Variants in TNRC18 observed in about 807,000 individuals in gnomAD.
TNRC18 encodes trinucleotide repeat-containing gene 18 protein.
Under a neutral mutation model 226.7 loss-of-function variants are expected in TNRC18, and 69 were observed. The observed-to-expected ratio is 0.30, with a 90% CI of 0.25 to 0.37. The LOEUF is 0.37. Among genes scored for constraint, TNRC18 ranks in the 10% least tolerant of loss-of-function variants. TNRC18 has a pLI of 1.00. For synonymous variants in TNRC18, 2,449 were observed against 1,927.6 expected (o/e 1.27, Z -7.09); for missense variants, 4,754 against 4,256.6 (o/e 1.12, Z -3.25).
intron 5 of TNRC18, among the ~76,000 whole-genome samples, chr7:5,380,008 G>A (rs1319095894): frequency 6.6e-6 from 1 of 152,194 alleles, no homozygotes; most frequent in Non-Finnish European, 1.5e-5. Flanking sequence ...TCCTTCTGCT[G>A]GAGACAAGGT....
At chr7:5,422,890 T>A (rs1782664436) in intron 1 of TNRC18, 1 of 152,258 alleles carries the variant, frequency 6.6e-6, no homozygotes, top group African/African-American at 2.4e-5. Flanking sequence ...CCGTGATTTT[T>A]TTTTGTAAGA....
Position 5,332,701 on chromosome 7 carries a change from G to C in TNRC18, c.6068C>G (p.Thr2023Ser), listed in dbSNP as rs1420468768. 4.6e-6 allele frequency: 7 copies of C among 1,531,100 alleles called. No individual in the cohort carries two copies. Among genetic ancestry groups the C allele is most frequent in the Non-Finnish European group, 6.1e-6 (7 of 1,142,436 alleles). The allele number at this position is 1,531,100 out of a possible 1,614,324, so 94.8% of individuals were successfully genotyped here. A position where few individuals can be genotyped will look rare whatever the true frequency, so the allele number is the denominator to read the frequency against. The change falls in exon 19 of 30, where the codon ACC (threonine) becomes AGC (serine). Residue 2023 changes from threonine to serine, a missense_variant. Coordinates refer to ENST00000430969, the MANE Select transcript of TNRC18 (RefSeq NM_001080495.3). ...APVSTAPATKTSRCAKGGPLS... is the reference protein window; with the variant it reads ...APVSTAPATKSSRCAKGGPLS... ...GGGGCCGCCCTTGGCGCAGCGGCTG[G>C]TCTTGGTGGCGGGCGCGGTGCTGAC...
chr7:5,328,484 A>G (rs1198419749), intron 19 of TNRC18, among the ~76,000 whole-genome samples: 1 of 150,634 alleles, frequency 6.6e-6, no homozygotes, highest in Non-Finnish European at 1.5e-5. Context: ...CCTGGGCAAC[A>G]CAGTGAGACC....
rs779182104 is a variant in TNRC18 at position 5,325,161 on chromosome 7, C to A, written c.6235G>T (p.Ala2079Ser). ...ALPSEARAPH[A>S]SSLTAAKRSK... ...CTTTTGGCAGCGGTCAGGGAGCTGG[C>A]GTGAGGAGCCCTGGCCTCAGAGGGC... Residue 2079 changes from alanine (A) to serine (S), a missense_variant, in exon 20 of 30, where the codon GCC (alanine) becomes TCC (serine). Ala to Ser is a moderately conservative substitution (Grantham distance 99, BLOSUM62 1). Coordinates refer to ENST00000430969, the MANE Select transcript of TNRC18 (RefSeq NM_001080495.3). The A allele has an allele frequency of 7.1e-6, 11 of 1,552,180 alleles. No individual in the cohort carries two copies. Among genetic ancestry groups the A allele is most frequent in the South Asian group, 1.2e-5 (1 of 84,092 alleles).
chr7:5,380,866 C>T (rs540919483), intron 5 of TNRC18, among the ~76,000 whole-genome samples: 1 of 152,304 alleles, frequency 6.6e-6, no homozygotes, highest in African/African-American at 2.4e-5. Flanking sequence ...GCCGTCCCAG[C>T]TTACAGAATC....
Position 5,309,628 on chromosome 7 carries a change from G to A in TNRC18, c.8389-260C>T, listed in dbSNP as rs1786983202. On this transcript the variant is annotated intron_variant, in intron 27 of 29. Coordinates refer to ENST00000430969, the MANE Select transcript of TNRC18 (RefSeq NM_001080495.3). This position sits in a 1 kb window ranked among gnomAD's most constrained non-coding sequence, Gnocchi z 5.7. ...ACAAGACTTCTTATTTTTGAGACAG[G>A]GTCTCCCTCTGTTGCCCAGGCTGGA... Among the ~76,000 whole-genome samples the A allele has an allele frequency of 6.6e-6, 1 of 152,208 alleles. No homozygotes were observed. The highest frequency in any genetic ancestry group is 1.5e-5 in the Non-Finnish European group (1 of 68,040).
At chr7:5,417,511 G>A (rs192826000) in intron 2 of TNRC18, among the ~76,000 whole-genome samples, 6 of 152,188 alleles carry the variant, frequency 3.9e-5, no homozygotes, top group African/African-American at 1.2e-4. Flanking sequence ...TTTCCTTCTC[G>A]GATTTGTGTG....
Position 5,396,190 on chromosome 7 carries a change from T to A in TNRC18, c.188-1595A>T, listed in dbSNP as rs1257184058. 5.7e-3 allele frequency among the ~76,000 whole-genome samples: 546 copies of A among 96,610 alleles called. 2 individuals carry two copies. Among genetic ancestry groups the A allele is most frequent in the African/African-American group, 0.021 (495 of 23,788 alleles). 63.4% of individuals were successfully genotyped at this position (96,610 alleles called of 152,430 possible). A position where few individuals can be genotyped will look rare whatever the true frequency, so the allele number is the denominator to read the frequency against. On this transcript the variant is annotated intron_variant, in intron 2 of 29. Coordinates refer to ENST00000430969, the MANE Select transcript of TNRC18 (RefSeq NM_001080495.3). ...TGTCTCAAAAAAAAAAAAAAAAAAATGCAAAAAATTAGCTGGGCGTGGTGG... is the reference window on the plus strand; with the variant it reads ...TGTCTCAAAAAAAAAAAAAAAAAAAAGCAAAAAATTAGCTGGGCGTGGTGG...
chr7:5,371,012 C>A lies in TNRC18; in HGVS notation c.3582G>T (p.Gly1194=). The change falls in exon 11 of 30, where the codon GGG becomes GGT. Residue 1194 remains glycine, a synonymous_variant. Transcript: ENST00000430969. ...AEAMATPSPA[G]GCGGGLLEAQ... ...CCTCCAACAGGCCACCTCCACAACC[C>A]CCTGCAGGGCTGGGGGTAGCCATGG... The A allele has an allele frequency of 6.2e-7, 1 of 1,608,298 alleles. No individual in the cohort carries two copies. Among genetic ancestry groups the A allele is most frequent in the African/African-American group, 1.3e-5 (1 of 75,066 alleles).
At chr7:5,407,422 T>A (rs1781548661) in intron 2 of TNRC18, 1 of 151,610 alleles carries the variant, frequency 6.6e-6, no homozygotes, top group African/African-American at 2.4e-5. Context: ...ATCCTGCCCC[T>A]CCTACACCTC....
At chr7:5,387,549 T>G (rs558986345) in intron 5 of TNRC18, 123 bp downstream of exon 5, 2 of 1,390,540 alleles carry the variant, frequency 1.4e-6, no homozygotes, top group African/African-American at 2.9e-5. Context: ...TCAAGACCAT[T>G]TTAAAAAATG....
chr7:5,345,517 GCCCCTCC>G, intron 18 of TNRC18, 38 bp downstream of exon 18: 19 of 377,738 alleles, frequency 5.0e-5, no homozygotes, highest in South Asian at 2.6e-4. Flanking sequence ...AATGGCGTCC[GCCCCTCC>G]CACCCACCCC....
Position 5,421,256 on chromosome 7 carries a change from G to A in TNRC18, c.-10C>T, listed in dbSNP as rs956104687. 3 of 1,289,788 alleles carry A rather than the reference G, an allele frequency of 2.3e-6. No individual in the cohort carries two copies. The highest frequency in any genetic ancestry group is 6.3e-5 in the East Asian group (2 of 31,866). 79.9% of individuals were successfully genotyped at this position (1,289,788 alleles called of 1,614,324 possible). A position where few individuals can be genotyped will look rare whatever the true frequency, so the allele number is the denominator to read the frequency against. Reference sequence around the variant, plus strand: ...AGTCTCGGCCATCCATCCTCCGCGGGAGTGCCGCGATCAGCCCCCCACCCG... The same window carrying A: ...AGTCTCGGCCATCCATCCTCCGCGGAAGTGCCGCGATCAGCCCCCCACCCG... On this transcript the variant is annotated 5_prime_UTR_variant, in exon 2 of 30. Coordinates refer to ENST00000430969, the MANE Select transcript of TNRC18 (RefSeq NM_001080495.3).
chr7:5,338,733 C>G (rs891173705), intron 18 of TNRC18, among the ~76,000 whole-genome samples: 9 of 151,318 alleles, frequency 5.9e-5, no homozygotes, highest in Non-Finnish European at 1.0e-4. Flanking sequence ...CCAGCTTGAC[C>G]AACATGGAGA....
intron 2 of TNRC18, among the ~76,000 whole-genome samples, chr7:5,399,034 G>A (rs1004613464): frequency 7.2e-5 from 11 of 152,092 alleles, no homozygotes; most frequent in Non-Finnish European, 1.0e-4. Flanking sequence ...AATAAACCCC[G>A]AAGAAGCACA....
At chr7:5,321,553 C>T (rs1307540126) in intron 21 of TNRC18, among the ~76,000 whole-genome samples, 9 of 152,152 alleles carry the variant, frequency 5.9e-5, no homozygotes, top group Non-Finnish European at 1.2e-4. Flanking sequence ...GCTCTGGGTG[C>T]CAGCCATCAC....
chr7:5,313,923 G>A (rs1787574543), intron 26 of TNRC18, 60 bp from the exon 27 acceptor site: 1 of 1,395,810 alleles, frequency 7.2e-7, no homozygotes, highest in Non-Finnish European at 9.3e-7. Context: ...ATGAGCTGTG[G>A]CTTTTATCAG....
At chr7:5,311,205 TGTGC>T (rs1787172754) in intron 27 of TNRC18, among the ~76,000 whole-genome samples, 2 of 134,764 alleles carry the variant, frequency 1.5e-5, no homozygotes, top group Non-Finnish European at 3.3e-5. Flanking sequence ...TGCGTGTGTG[TGTGC>T]ATGTGCCCAT....
At chr7:5,408,387 C>T (rs1359970663) in intron 2 of TNRC18, among the ~76,000 whole-genome samples, 1 of 151,956 alleles carries the variant, frequency 6.6e-6, no homozygotes, top group East Asian at 1.9e-4. Flanking sequence ...ATAGCTCACG[C>T]CTGTAATCCC....
Sources: allele counts gnomAD v4.1 joint callset (sites outside exome capture counted in the v4.1 genomes callset), GRCh38; gene constraint gnomAD v4.1.1; non-coding constraint Gnocchi (gnomAD v3.1); transcripts MANE v1.5; gene names NCBI Gene and HGNC (gene_info 2026-07-23, HGNC 2026-07-21).